The following VSTM2B variants were observed in gnomAD, a reference collection of about 807,000 sequenced individuals.
VSTM2B encodes V-set and transmembrane domain-containing protein 2B.
In VSTM2B, 24 loss-of-function variants were observed where a neutral mutation model predicts 24.0. The observed-to-expected ratio is 1.00, with a 90% CI of 0.72 to 1.40. The LOEUF is 1.40. VSTM2B is among the 40% of genes most tolerant of loss of function. VSTM2B has a pLI of 0.00. For missense variants in VSTM2B, 399 were observed against 416.4 expected, an observed-to-expected ratio of 0.96 and a Z score of 0.36; for synonymous variants, 226 against 194.4, an observed-to-expected ratio of 1.16 and a Z score of -1.35.
At chr19:29,534,168 C>G (rs1194042273) in intron 4 of VSTM2B, among the ~76,000 whole-genome samples, 6 of 152,194 alleles carry the variant, frequency 3.9e-5, no homozygotes, top group Admixed American at 3.9e-4. Flanking sequence ...TGGGAGCCAT[C>G]AGCAGACCTA....
At chr19:29,562,214 G>C (rs1281442206) in intron 4 of VSTM2B, among the ~76,000 whole-genome samples, 1 of 152,212 alleles carries the variant, frequency 6.6e-6, no homozygotes, top group Non-Finnish European at 1.5e-5. Context: ...TACAAAAAGA[G>C]GATGATGGGG....
chr19:29,545,917 A>G (rs1304687217), intron 4 of VSTM2B, among the ~76,000 whole-genome samples: 1 of 152,216 alleles, frequency 6.6e-6, no homozygotes, highest in Non-Finnish European at 1.5e-5. Flanking sequence ...CAGCCACGTT[A>G]GAGTGCTGGG....
chr19:29,548,692 G>A (rs952405882), intron 4 of VSTM2B, among the ~76,000 whole-genome samples: 1 of 152,180 alleles, frequency 6.6e-6, no homozygotes, highest in African/African-American at 2.4e-5. Context: ...ATGCTCCCAG[G>A]GTGGGGCAGG....
intron 4 of VSTM2B, among the ~76,000 whole-genome samples, chr19:29,563,330 G>A (rs959889078): frequency 5.3e-5 from 8 of 151,046 alleles, no homozygotes; most frequent in African/African-American, 2.0e-4. Context: ...ACAGCTCTCT[G>A]CAGCCTCCAA....
Position 29,564,135 on chromosome 19 carries a change from G to A in VSTM2B, c.*201G>A, listed in dbSNP as rs1376851596. The A allele has an allele frequency of 9.4e-6, 5 of 530,090 alleles. No individual in the cohort carries two copies. Among genetic ancestry groups the A allele is most frequent in the Non-Finnish European group, 1.7e-5 (5 of 295,724 alleles). 32.8% of individuals were successfully genotyped at this position (530,090 alleles called of 1,614,324 possible). A position where few individuals can be genotyped will look rare whatever the true frequency, so the allele number is the denominator to read the frequency against. On this transcript the variant is annotated 3_prime_UTR_variant, in exon 5 of 5. Transcript: ENST00000335523. ...AATGCATCTAGTTTCCAAATAATTT[G>A]GAGTTTGGCCCATGCAGTCTGCATG... is the stretch of plus-strand genomic sequence containing the variant.
rs1370722942 is a variant in VSTM2B at position 29,530,124 on chromosome 19, C to T, written c.603C>T (p.Ser201=). 6 of 1,446,016 alleles carry T rather than the reference C, an allele frequency of 4.1e-6. No homozygotes were observed. The highest frequency in any genetic ancestry group is 2.8e-5 in the Admixed American group (1 of 35,282). The allele number at this position is 1,446,016 out of a possible 1,614,324, so 89.6% of individuals were successfully genotyped here. ...CCGAGCCCGGCCGCGGCGACAAGAG[C>T]CCGCCGCCCGGGAGCCCTCCCGCCG... ...TTSEPGRGDK[S]PPPGSPPAAI... Residue 201 remains serine, a synonymous_variant, in exon 4 of 5, where the codon AGC becomes AGT. Coordinates refer to ENST00000335523, the MANE Select transcript of VSTM2B (RefSeq NM_001146339.2).
In VSTM2B at chr19:29,529,716, G is replaced by A. The variant is rs1378308548; in HGVS notation, c.298-103G>A. 3.5e-6 allele frequency: 4 copies of A among 1,153,280 alleles called. No individual in the cohort carries two copies. The East Asian group carries it at 8.0e-5, about 23-fold the overall frequency. 71.4% of individuals were successfully genotyped at this position (1,153,280 alleles called of 1,614,324 possible). The stretch of plus-strand genomic sequence containing the variant: ...GTGATGGTGGGCAAACCAGGATCCG[G>A]GAAGTGTTGGGGTGCGCGGATGAGG... On this transcript the variant is annotated intron_variant, in intron 3 of 4. Transcript: ENST00000335523.
chr19:29,550,180 T>C (rs1970246002), intron 4 of VSTM2B, among the ~76,000 whole-genome samples: 1 of 152,186 alleles, frequency 6.6e-6, no homozygotes, highest in Admixed American at 6.5e-5. Context: ...TGACCTATAA[T>C]CCCAACACTT....
At chr19:29,562,830 G>A (rs1332032254) in intron 4 of VSTM2B, among the ~76,000 whole-genome samples, 2 of 152,156 alleles carry the variant, frequency 1.3e-5, no homozygotes, top group Non-Finnish European at 2.9e-5. Context: ...GGACCAAGGC[G>A]AAGCAGGGTG....
At chr19:29,537,428 C>T (rs1731999346) in intron 4 of VSTM2B, among the ~76,000 whole-genome samples, 1 of 152,104 alleles carries the variant, frequency 6.6e-6, no homozygotes, top group African/African-American at 2.4e-5. Flanking sequence ...TAGCCCAGGC[C>T]CCTTCTCCTG....
intron 4 of VSTM2B, among the ~76,000 whole-genome samples, chr19:29,545,669 T>C (rs1412454648): frequency 1.3e-5 from 2 of 152,208 alleles, no homozygotes; most frequent in Non-Finnish European, 2.9e-5. Flanking sequence ...TTTGGTTCTT[T>C]TTTATGGCTG....
At chr19:29,549,217 C>T (rs1228505820) in intron 4 of VSTM2B, among the ~76,000 whole-genome samples, 1 of 152,194 alleles carries the variant, frequency 6.6e-6, no homozygotes, top group Non-Finnish European at 1.5e-5. Flanking sequence ...CCTCAGGTGG[C>T]CACTTGGTGC....
intron 4 of VSTM2B, among the ~76,000 whole-genome samples, chr19:29,542,260 T>C (rs1970038648): frequency 6.8e-6 from 1 of 146,996 alleles, no homozygotes; most frequent in Non-Finnish European, 1.5e-5. Flanking sequence ...GATGAGTGGA[T>C]GGGTAGATGG....
At chr19:29,529,745 C>A in intron 3 of VSTM2B, 74 bp from the exon 4 acceptor site, 2 of 1,421,018 alleles carry the variant, frequency 1.4e-6, no homozygotes, top group Non-Finnish European at 9.6e-7. Flanking sequence ...GATGAGGGGG[C>A]GCGACGGCCA....
In VSTM2B at chr19:29,526,291, C is replaced by A. The variant is rs1969561828; in HGVS notation, c.-293C>A. On this transcript the variant is annotated 5_prime_UTR_variant, in exon 1 of 5. Coordinates refer to ENST00000335523, the MANE Select transcript of VSTM2B (RefSeq NM_001146339.2). The surrounding 1 kb of genome is among the most constrained non-coding windows in gnomAD (Gnocchi z 4.1). ...CGGGCAGAGACTGAACCGCGGATCC[C>A]CACCGTCCTGTGGACGACCGGACAG... Among the ~76,000 whole-genome samples the A allele has an allele frequency of 6.6e-6, 1 of 151,922 alleles. No homozygotes were observed. Among genetic ancestry groups the A allele is most frequent in the Admixed American group, 6.5e-5 (1 of 15,270 alleles).
At chr19:29,546,842 G>A (rs1459541312) in intron 4 of VSTM2B, among the ~76,000 whole-genome samples, 1 of 152,254 alleles carries the variant, frequency 6.6e-6, no homozygotes, top group Admixed American at 6.5e-5. Context: ...TGGAGAGGAG[G>A]TGGCGGCAAA....
At chr19:29,534,716 C>CA (rs11425011) in intron 4 of VSTM2B, among the ~76,000 whole-genome samples, 38,477 of 140,164 alleles carry the variant, frequency 0.27, 6,397 homozygotes, top group Non-Finnish European at 0.38. Flanking sequence ...AACTCTGTCT[C>CA]AAAAAAAAAA....
rs746329880 is a variant in VSTM2B, at chr19:29,528,490, G to T, written c.297+28G>T. On this transcript the variant is annotated intron_variant, in intron 3 of 4. Transcript: ENST00000335523. The stretch of plus-strand genomic sequence containing the variant: ...AAGTGTGGAGCCCAGCGCGGGCCGC[G>T]GGAGACCCCTTCTGGCCGCCTCGGG... The T allele has an allele frequency of 9.7e-6, 15 of 1,550,388 alleles. No homozygotes were observed. In the South Asian group the frequency reaches 1.8e-4, roughly 18 times the overall value.
At chr19:29,550,431 A>G (rs1970251620) in intron 4 of VSTM2B, among the ~76,000 whole-genome samples, 1 of 152,160 alleles carries the variant, frequency 6.6e-6, no homozygotes, top group Non-Finnish European at 1.5e-5. Context: ...GACCCTGTCA[A>G]TCAATCAGTC....
Sources: gnomAD v4.1 joint callset for allele counts (sites outside exome capture counted in the v4.1 genomes callset) on GRCh38, gnomAD v4.1.1 for gene constraint, Gnocchi (gnomAD v3.1) non-coding constraint, MANE v1.5 for transcripts, NCBI Gene and HGNC (gene_info 2026-07-23, HGNC 2026-07-21) for gene names.